Variants in DCAF17 observed in about 807,000 individuals in gnomAD.
DCAF17 encodes the protein DDB1 and CUL4 associated factor 17.
A neutral mutation model predicts 66.0 loss-of-function variants in DCAF17; 48 were observed. The observed-to-expected ratio is 0.73, with a 90% confidence interval of 0.58 to 0.92. The LOEUF (loss-of-function observed/expected upper bound fraction) is 0.92, where lower values mean the gene tolerates loss of function less well. DCAF17 is among the 40% of genes least tolerant of loss of function. The pLI is 0.00. For synonymous variants in DCAF17, 206 were observed against 214.6 expected, an observed-to-expected ratio of 0.96 and a Z score of 0.35; for missense variants, 562 against 622.8, an observed-to-expected ratio of 0.90 and a Z score of 1.04.
chr2:171,459,201 G>T (rs919472493), intron 8 of DCAF17, among the ~76,000 whole-genome samples: 2 of 151,880 alleles, frequency 1.3e-5, no homozygotes, highest in East Asian at 3.9e-4. Context: ...CCACCTACTC[G>T]CAAGGGAGGC....
chr2:171,461,698 AACTG>A (rs1695596534), intron 8 of DCAF17, among the ~76,000 whole-genome samples: 1 of 152,204 alleles, frequency 6.6e-6, no homozygotes, highest in African/African-American at 2.4e-5. Context: ...CACCCATTTT[AACTG>A]TACAGTTTGA....
At chr2:171,452,681 C>G (rs1407933848) in intron 5 of DCAF17, among the ~76,000 whole-genome samples, 2 of 152,160 alleles carry the variant, frequency 1.3e-5, no homozygotes, top group African/African-American at 2.4e-5. Flanking sequence ...CCAGGCTGGT[C>G]TCAGACTCCT....
At chr2:171,455,860 TG>T (rs905492807) in intron 6 of DCAF17, among the ~76,000 whole-genome samples, 3 of 152,130 alleles carry the variant, frequency 2.0e-5, no homozygotes, top group East Asian at 1.9e-4. Context: ...TTAATGGGGT[TG>T]TTTTTTTTTC....
intron 5 of DCAF17, among the ~76,000 whole-genome samples, chr2:171,451,034 T>G (rs578249070): frequency 6.6e-6 from 1 of 151,338 alleles, no homozygotes; most frequent in East Asian, 1.9e-4. Flanking sequence ...TATATAGAAC[T>G]CTAGCATTAA....
rs1397182432 is a variant in DCAF17 at position 171,474,350 on chromosome 2, T to C, written c.1091+375T>C. 5 of 250,584 alleles carry C rather than the reference T, an allele frequency of 2.0e-5. No homozygotes were observed. The Admixed American group carries it at 2.5e-4, about 13-fold the overall frequency. 15.5% of individuals were successfully genotyped at this position (250,584 alleles called of 1,614,324 possible). On this transcript the variant is annotated intron_variant, in intron 10 of 13. Coordinates refer to ENST00000375255, the MANE Select transcript of DCAF17 (RefSeq NM_025000.4). ...AGATTGTTTGAAGTAAATCTTGTTT[T>C]ATTTTGATTGGTTTCAGGGCACACA...
intron 4 of DCAF17, 79 bp from the exon 5 acceptor site, chr2:171,449,800 C>A: frequency 1.2e-6 from 1 of 868,388 alleles, no homozygotes; most frequent in South Asian, 1.9e-5. Context: ...AAATAGTTTA[C>A]TTATAAAATA....
chr2:171,434,598 C>G lies in DCAF17; in HGVS notation c.21C>G (p.Pro7=), dbSNP rs994840619. 1.5e-5 allele frequency: 23 copies of G among 1,528,180 alleles called. No homozygotes were observed. In the East Asian group the frequency reaches 5.7e-4, roughly 38 times the overall value. The allele number at this position is 1,528,180 out of a possible 1,614,324, so 94.7% of individuals were successfully genotyped here. The change falls in exon 1 of 14, where the codon CCC becomes CCG. Residue 7 remains proline (P), a synonymous_variant. Transcript: ENST00000375255. ...CCTCCATGGGCCCGACCCGGAAGCC[C>G]AACGTGTGCAGCCGGCTGAGTCGCC... MGPTRK[P]NVCSRLSRRA...
At chr2:171,464,761 T>C (rs770078005) in intron 8 of DCAF17, among the ~76,000 whole-genome samples, 3 of 152,216 alleles carry the variant, frequency 2.0e-5, no homozygotes, top group Admixed American at 6.5e-5. Context: ...CTCATTTTCA[T>C]ACTTCCAAAT....
chr2:171,470,504 T>C (rs185316084), intron 9 of DCAF17, among the ~76,000 whole-genome samples: 1 of 152,320 alleles, frequency 6.6e-6, no homozygotes, highest in East Asian at 1.9e-4. Flanking sequence ...AGTTTTCTTT[T>C]GTAGGAGCAT....
Position 171,478,068 on chromosome 2 carries a change from G to C in DCAF17, c.1264G>C (p.Glu422Gln). The C allele has an allele frequency of 6.2e-7, 1 of 1,613,214 alleles. No homozygotes were observed. Among genetic ancestry groups the C allele is most frequent in the Non-Finnish European group, 8.5e-7 (1 of 1,179,308 alleles). ...CCTTCTGGATGATGACCCAGAACAA[G>C]AGGTATTGCTTTGGCCAGAGATGAC... ...FNLLDDDPEQ[E>Q]TFKIVDYEDE... The change falls in exon 12 of 14, where the codon GAG becomes CAG. Residue 422 changes from glutamate to glutamine, a missense_variant and splice_region_variant. By Grantham distance (29) the Glu-to-Gln change is conservative. Around this residue, in one of 3 missense-constraint regions of DCAF17, gnomAD observed 201 missense variants for 231.1 expected, o/e 0.87. Coordinates refer to ENST00000375255, the MANE Select transcript of DCAF17 (RefSeq NM_025000.4).
At position 171,435,912 on chromosome 2, in the gene DCAF17, A is replaced by G. The variant is rs375644386; in HGVS notation, c.230+726A>G. ...TTTAATGCATTCACAGATACATGTA[A>G]TCACTACCACAGTTAATTTTAGAGC... On this transcript the variant is annotated intron_variant, in intron 2 of 13. Transcript: ENST00000375255. Among the ~76,000 whole-genome samples the G allele has an allele frequency of 7.9e-5, 12 of 152,338 alleles. 1 individual carries two copies. The highest frequency in any genetic ancestry group is 2.9e-4 in the African/African-American group (12 of 41,572).
intron 3 of DCAF17, among the ~76,000 whole-genome samples, chr2:171,444,389 C>G (rs973776859): frequency 6.6e-6 from 1 of 152,140 alleles, no homozygotes; most frequent in African/African-American, 2.4e-5. Flanking sequence ...TGAATGCCGA[C>G]ATGACGCCAC....
chr2:171,458,409 G>C lies in DCAF17; in HGVS notation c.770G>C (p.Arg257Thr), dbSNP rs372481846. 2.5e-6 allele frequency: 4 copies of C among 1,613,968 alleles called. No homozygotes were observed. The highest frequency in any genetic ancestry group is 1.7e-5 in the Admixed American group (1 of 60,000). ...AAACTTGACTTAGGGTGTGCATGCAGATGGGGTGGGACTACTGGAACTGTA... is the reference window on the plus strand; with the variant it reads ...AAACTTGACTTAGGGTGTGCATGCACATGGGGTGGGACTACTGGAACTGTA... ...QQKLDLGCAC[R>T]WGGTTGTVGE... is the part of the protein sequence containing the mutation. The change falls in exon 8 of 14, where the codon AGA becomes ACA. Residue 257 changes from arginine (R) to threonine (T), a missense_variant. By Grantham distance (71) the Arg-to-Thr change is moderately conservative (BLOSUM62 -1). Coordinates refer to ENST00000375255, the MANE Select transcript of DCAF17 (RefSeq NM_025000.4).
intron 3 of DCAF17, among the ~76,000 whole-genome samples, chr2:171,445,052 A>G (rs969225591): frequency 6.6e-6 from 1 of 152,180 alleles, no homozygotes; most frequent in African/African-American, 2.4e-5. Context: ...GGGGAAGACG[A>G]CAGATTTCTT....
chr2:171,478,437 C>T, intron 12 of DCAF17, among the ~76,000 whole-genome samples: 1 of 152,116 alleles, frequency 6.6e-6, no homozygotes, highest in East Asian at 1.9e-4. Context: ...GTTTTTGCCT[C>T]ATTTTTTACT....
Position 171,481,380 on chromosome 2 carries a change from G to T in DCAF17, c.*266G>T. Reference sequence around the variant, plus strand: ...CTAGGTGGTAATGCAAATATAAAATGCTGGGAACAGAAAAGGACAGGTTAA... The same window carrying T: ...CTAGGTGGTAATGCAAATATAAAATTCTGGGAACAGAAAAGGACAGGTTAA... On this transcript the variant is annotated 3_prime_UTR_variant, in exon 14 of 14. Coordinates refer to ENST00000375255, the MANE Select transcript of DCAF17 (RefSeq NM_025000.4). 2 of 534,758 alleles carry T rather than the reference G, an allele frequency of 3.7e-6. No homozygotes were observed. Among genetic ancestry groups the T allele is most frequent in the South Asian group, 1.5e-5 (1 of 65,202 alleles). The allele number at this position is 534,758 out of a possible 1,614,324, so 33.1% of individuals were successfully genotyped here. A position where few individuals can be genotyped will look rare whatever the true frequency, so the allele number is the denominator to read the frequency against.
chr2:171,447,918 A>G (rs186874042), intron 3 of DCAF17, among the ~76,000 whole-genome samples: 657 of 152,306 alleles, frequency 4.3e-3, no homozygotes, highest in Non-Finnish European at 7.0e-3. Flanking sequence ...TCCCTTTTCT[A>G]GGATAATTCA....
intron 4 of DCAF17, among the ~76,000 whole-genome samples, chr2:171,449,365 A>T (rs529100311): frequency 2.7e-5 from 4 of 149,368 alleles, no homozygotes; most frequent in African/African-American, 9.8e-5. Context: ...AAATAAACTT[A>T]AAAAAAAAAA....
chr2:171,484,339 A>G lies in DCAF17; in HGVS notation c.*3225A>G, dbSNP rs1220344504. Reference sequence around the variant, plus strand: ...AAGGGACATACAATAGAAAGATAAGACCTACTGAGGTCTTTTTCCCATCAT... The same window carrying G: ...AAGGGACATACAATAGAAAGATAAGGCCTACTGAGGTCTTTTTCCCATCAT... On this transcript the variant is annotated 3_prime_UTR_variant, in exon 14 of 14. Coordinates refer to ENST00000375255, the MANE Select transcript of DCAF17 (RefSeq NM_025000.4). 3 of 405,476 alleles carry G rather than the reference A, an allele frequency of 7.4e-6. No homozygotes were observed. The highest frequency in any genetic ancestry group is 1.4e-5 in the Non-Finnish European group (3 of 210,110). The allele number at this position is 405,476 out of a possible 1,614,324, so 25.1% of individuals were successfully genotyped here.
Sources: gnomAD v4.1 joint callset for allele counts (sites outside exome capture counted in the v4.1 genomes callset) on GRCh38, gnomAD v4.1.1 for gene constraint, gnomAD v4.1.1 regional missense constraint, MANE v1.5 for transcripts, NCBI Gene and HGNC (gene_info 2026-07-23, HGNC 2026-07-21) for gene names.